ACOT7: variants seen among roughly 807,000 people sequenced by gnomAD.
ACOT7 encodes the protein cytosolic acyl coenzyme A thioester hydrolase.
A neutral mutation model predicts 40.2 loss-of-function variants in ACOT7; 12 were observed. That is an observed-to-expected ratio of 0.30 (90% CI 0.19 to 0.48). The LOEUF is 0.48. ACOT7 is among the 20% of genes least tolerant of loss of function. ACOT7 has a pLI of 0.99. For missense variants in ACOT7, 395 were observed against 530.8 expected (o/e 0.74, Z 2.51); for synonymous variants, 228 against 219.5 (o/e 1.04, Z -0.34).
At chr1:6,383,666 G>A (rs1642390166) in intron 1 of ACOT7, among the ~76,000 whole-genome samples, 1 of 151,186 alleles carries the variant, frequency 6.6e-6, no homozygotes, top group South Asian at 2.1e-4. Flanking sequence ...CTCCTGAGTG[G>A]TTGAGACTAC....
intron 1 of ACOT7, among the ~76,000 whole-genome samples, chr1:6,373,208 G>T (rs989980157): frequency 6.6e-6 from 1 of 151,874 alleles, no homozygotes; most frequent in Non-Finnish European, 1.5e-5. Flanking sequence ...GCACAGGCTG[G>T]CCGAAAAATG....
intron 8 of ACOT7, 77 bp from the exon 9 acceptor site, chr1:6,264,772 G>T (rs1638767643): frequency 2.7e-6 from 4 of 1,474,490 alleles, no homozygotes; most frequent in Non-Finnish European, 2.8e-6. Flanking sequence ...CTGGCCTGGG[G>T]CCCTGCCCCC....
Position 6,301,270 on chromosome 1 carries a change from T to C in ACOT7, c.713-6290A>G, listed in dbSNP as rs546113796. ...CTGAAAAGCAGAATGAGAGAATAAA[T>C]GGAAGGAGTTGTAATCAGCTCCTTC... On this transcript the variant is annotated intron_variant, in intron 6 of 8. Coordinates refer to ENST00000361521, the MANE Select transcript of ACOT7 (RefSeq NM_007274.4). This position sits in a 1 kb window ranked among gnomAD's most constrained non-coding sequence, Gnocchi z 4.1. Among the ~76,000 whole-genome samples, 81 of 152,350 alleles carry C rather than the reference T, an allele frequency of 5.3e-4. No individual in the cohort carries two copies. The highest frequency in any genetic ancestry group is 1.6e-3 in the Admixed American group (24 of 15,310).
At chr1:6,305,998 C>T (rs1640141514) in intron 6 of ACOT7, among the ~76,000 whole-genome samples, 1 of 152,024 alleles carries the variant, frequency 6.6e-6, no homozygotes, top group South Asian at 2.1e-4. Flanking sequence ...ACCAGCCCGG[C>T]CAACACAGCG....
rs74957672 is a variant in ACOT7 at position 6,343,671 on chromosome 1, G to A, written c.262-4082C>T. 1.0e-2 allele frequency among the ~76,000 whole-genome samples: 1,523 copies of A among 152,368 alleles called. 23 individuals carry two copies. Among genetic ancestry groups the A allele is most frequent in the African/African-American group, 0.034 (1,420 of 41,590 alleles). On this transcript the variant is annotated intron_variant, in intron 2 of 8. Transcript: ENST00000361521. ...CAGAGCCAGGCAAGAATTAGGCACC[G>A]CCTCTGGGCAGGGCAATGCCCATCT...
At chr1:6,334,255 C>T (rs1334467678) in intron 3 of ACOT7, among the ~76,000 whole-genome samples, 1 of 152,230 alleles carries the variant, frequency 6.6e-6, no homozygotes, top group Non-Finnish European at 1.5e-5. Context: ...ATCAAAAGTG[C>T]CTTGCTGGGG....
At chr1:6,375,818 G>A (rs1448670429) in intron 1 of ACOT7, among the ~76,000 whole-genome samples, 1 of 151,086 alleles carries the variant, frequency 6.6e-6, no homozygotes, top group Non-Finnish European at 1.5e-5. Flanking sequence ...GGCACCTGTA[G>A]TCCCAGCTGC....
Position 6,355,812 on chromosome 1 carries a change from G to A in ACOT7, c.144-5946C>T, listed in dbSNP as rs945464574. On this transcript the variant is annotated intron_variant, in intron 1 of 8. Transcript: ENST00000361521. The surrounding 1 kb of genome is among the most constrained non-coding windows in gnomAD (Gnocchi z 5.0). ...CTGGGGTCCAGCCCACATCCTCGCA[G>A]GACAGCCCGAGCCTGTTCCGCAGCG... Among the ~76,000 whole-genome samples the A allele has an allele frequency of 1.3e-5, 2 of 152,142 alleles. No individual in the cohort carries two copies. The highest frequency in any genetic ancestry group is 4.8e-5 in the African/African-American group (2 of 41,432).
At chr1:6,373,761 A>G (rs1192254897) in intron 1 of ACOT7, among the ~76,000 whole-genome samples, 12 of 151,748 alleles carry the variant, frequency 7.9e-5, no homozygotes, top group Non-Finnish European at 2.9e-5. Flanking sequence ...GCCCTTCAGG[A>G]GGCTGAGGCA....
chr1:6,325,296 G>A (rs967595574), intron 5 of ACOT7, among the ~76,000 whole-genome samples: 1 of 152,032 alleles, frequency 6.6e-6, no homozygotes, highest in African/African-American at 2.4e-5. Flanking sequence ...TACTGGGGAG[G>A]CTGAGGCAGG....
At position 6,328,304 on chromosome 1, in the gene ACOT7, C is replaced by T. The variant is rs114053589; in HGVS notation, c.511-891G>A. On this transcript the variant is annotated intron_variant, in intron 4 of 8. Coordinates refer to ENST00000361521, the MANE Select transcript of ACOT7 (RefSeq NM_007274.4). The stretch of plus-strand genomic sequence containing the variant: ...GCAGTAAAAGATGGAACTGTCCTCC[C>T]ACGGCTCTCCAAATGAATCACAGGG... Among the ~76,000 whole-genome samples, 1,491 of 152,166 alleles carry T rather than the reference C, an allele frequency of 9.8e-3. 15 individuals carry two copies. Among genetic ancestry groups the T allele is most frequent in the Middle Eastern group, 0.041 (12 of 294 alleles).
chr1:6,393,451 C>G lies in ACOT7; in HGVS notation c.-52G>C. 2.8e-6 allele frequency: 3 copies of G among 1,062,032 alleles called. No individual in the cohort carries two copies. Among genetic ancestry groups the G allele is most frequent in the Non-Finnish European group, 3.3e-6 (3 of 904,598 alleles). 65.8% of individuals were successfully genotyped at this position (1,062,032 alleles called of 1,614,324 possible). A position where few individuals can be genotyped will look rare whatever the true frequency, so the allele number is the denominator to read the frequency against. Reference sequence around the variant, plus strand: ...TGGGGCTGGTGAGGCGGGGCCTGCGCGCCGGGGGCAATCGAACGCGGCCTC... The same window carrying G: ...TGGGGCTGGTGAGGCGGGGCCTGCGGGCCGGGGGCAATCGAACGCGGCCTC... On this transcript the variant is annotated 5_prime_UTR_variant, in exon 1 of 9. Coordinates refer to ENST00000361521, the MANE Select transcript of ACOT7 (RefSeq NM_007274.4).
chr1:6,299,582 C>A lies in ACOT7; in HGVS notation c.713-4602G>T, dbSNP rs186803206. Among the ~76,000 whole-genome samples the A allele has an allele frequency of 3.5e-4, 54 of 152,226 alleles. No individual in the cohort carries two copies. In the East Asian group the frequency reaches 8.7e-3, roughly 25 times the overall value. ...CGGCCTCCCCTTACCGGACGCCACA[C>A]ACAGAGGGCAGAGAGGCCCACCCGG... On this transcript the variant is annotated intron_variant, in intron 6 of 8. Transcript: ENST00000361521. This position sits in a 1 kb window ranked among gnomAD's most constrained non-coding sequence, Gnocchi z 4.1.
intron 7 of ACOT7, among the ~76,000 whole-genome samples, chr1:6,281,654 G>T (rs1639364051): frequency 6.6e-6 from 1 of 152,190 alleles, no homozygotes; most frequent in Non-Finnish European, 1.5e-5. Flanking sequence ...GTGGGTGTCG[G>T]CTGGCTCTGC....
chr1:6,329,045 C>T (rs1010577993), intron 4 of ACOT7, among the ~76,000 whole-genome samples: 14 of 152,278 alleles, frequency 9.2e-5, no homozygotes, highest in Non-Finnish European at 1.5e-4. Context: ...GGGGAAGCCA[C>T]GGAACTCAGG....
At chr1:6,277,023 C>T (rs565927647) in intron 8 of ACOT7, among the ~76,000 whole-genome samples, 2 of 151,690 alleles carry the variant, frequency 1.3e-5, no homozygotes, top group African/African-American at 4.8e-5. Flanking sequence ...CTGGAAGGGG[C>T]GGCCCCAGGA....
intron 5 of ACOT7, among the ~76,000 whole-genome samples, chr1:6,323,542 A>G (rs1200714994): frequency 3.3e-5 from 5 of 151,818 alleles, no homozygotes; most frequent in Non-Finnish European, 7.4e-5. Context: ...ACATGGCGAA[A>G]CCCTGTCTCT....
chr1:6,351,539 G>A (rs546613820), intron 1 of ACOT7, among the ~76,000 whole-genome samples: 12 of 152,186 alleles, frequency 7.9e-5, no homozygotes, highest in African/African-American at 2.4e-4. Context: ...GGCCTTCCCC[G>A]CACCAGCTGC....
intron 8 of ACOT7, among the ~76,000 whole-genome samples, chr1:6,270,523 C>G (rs1038963862): frequency 1.3e-5 from 2 of 152,216 alleles, no homozygotes; most frequent in African/African-American, 2.4e-5. Flanking sequence ...AAGGGCAGCT[C>G]AGGGCACATG....
Sources: gnomAD v4.1 joint callset for allele counts (sites outside exome capture counted in the v4.1 genomes callset) on GRCh38, gnomAD v4.1.1 for gene constraint, Gnocchi (gnomAD v3.1) non-coding constraint, MANE v1.5 for transcripts, NCBI Gene and HGNC (gene_info 2026-07-23, HGNC 2026-07-21) for gene names.